ACSS3: variants seen among roughly 807,000 people sequenced by gnomAD.
The protein encoded by ACSS3 is acyl-CoA synthetase short-chain family member 3, mitochondrial.
ACSS3 carries 64 observed loss-of-function variants against 84.2 expected under a neutral mutation model. The observed-to-expected ratio is 0.76, with a 90% confidence interval of 0.62 to 0.94. ACSS3 has a LOEUF of 0.94. Ranked by LOEUF, ACSS3 falls within the 40% of genes least tolerant of loss-of-function variation. ACSS3 has a pLI of 0.00. For synonymous variants in ACSS3, 317 were observed against 310.1 expected (o/e 1.02, Z -0.23); for missense variants, 815 against 867.6 (o/e 0.94, Z 0.76).
intron 5 of ACSS3, among the ~76,000 whole-genome samples, chr12:81,150,331 GCTA>G (rs893982654): frequency 6.6e-6 from 1 of 152,118 alleles, no homozygotes; most frequent in African/African-American, 2.4e-5. Flanking sequence ...GTCTACAAAA[GCTA>G]CTTTTTCTAG....
At chr12:81,239,774 C>A (rs750520411) in intron 13 of ACSS3, among the ~76,000 whole-genome samples, 6 of 151,912 alleles carry the variant, frequency 3.9e-5, no homozygotes, top group Admixed American at 1.3e-4. Context: ...GGGTACACAG[C>A]CAAACCGTAT....
Position 81,174,923 on chromosome 12 carries a change from CAG to C in ACSS3, c.1235_1236del (p.Gln412LeufsTer17), listed in dbSNP as rs1183539865. On this transcript the variant is annotated frameshift_variant, in exon 8 of 16. Transcript: ENST00000548058. LOFTEE classifies it high-confidence loss of function. Reference protein sequence around the residue: ...QQDPGAALGKQYSLTRFKTLF... With the variant: ...QQDPGAALGKXYSLTRFKTLF... ...GGACCCTGGGGCAGCTTTGGGGAAG[CAG>C]TACTCTCTGACAAGGTGACGTTGGG... The C allele has an allele frequency of 1.2e-6, 2 of 1,613,660 alleles. No individual in the cohort carries two copies. Among genetic ancestry groups the C allele is most frequent in the Non-Finnish European group, 1.7e-6 (2 of 1,179,730 alleles).
intron 8 of ACSS3, among the ~76,000 whole-genome samples, chr12:81,190,769 A>G (rs544108154): frequency 1.3e-5 from 2 of 152,146 alleles, no homozygotes; most frequent in South Asian, 4.1e-4. Context: ...GAGAAAAGCT[A>G]TCAAATTAAC....
chr12:81,199,623 T>A (rs1466672993), intron 9 of ACSS3, 179 bp downstream of exon 9: 1 of 1,494,584 alleles, frequency 6.7e-7, no homozygotes, highest in South Asian at 1.2e-5. Flanking sequence ...AATGTCTTCA[T>A]AAGTGACATT....
intron 2 of ACSS3, among the ~76,000 whole-genome samples, chr12:81,117,217 T>G (rs1231374126): frequency 6.6e-6 from 1 of 152,212 alleles, no homozygotes; most frequent in East Asian, 1.9e-4. Context: ...GAAAACATGC[T>G]TGTGGAACAC....
At chr12:81,151,330 G>T (rs2135753279) in intron 5 of ACSS3, among the ~76,000 whole-genome samples, 1 of 152,272 alleles carries the variant, frequency 6.6e-6, no homozygotes, top group South Asian at 2.1e-4. Context: ...CAGCTTTAAA[G>T]TGTGCTTGCA....
chr12:81,159,706 G>A (rs1247569491), intron 7 of ACSS3, among the ~76,000 whole-genome samples: 1 of 152,172 alleles, frequency 6.6e-6, no homozygotes, highest in African/African-American at 2.4e-5. Context: ...AAAGAGAAGG[G>A]ATAAAACACA....
At position 81,216,613 on chromosome 12, in the gene ACSS3, C is replaced by T. The variant is rs11834253; in HGVS notation, c.1355-288C>T. Among the ~76,000 whole-genome samples, 573 of 152,238 alleles carry T rather than the reference C, an allele frequency of 3.8e-3. 5 individuals carry two copies. The highest frequency in any genetic ancestry group is 0.013 in the African/African-American group (548 of 41,536). On this transcript the variant is annotated intron_variant, in intron 9 of 15. Transcript: ENST00000548058. Reference sequence around the variant, plus strand: ...AAGTCACATAATTTTCCATTCTACACGCCTGCTGATCCACAATTGCAAACG... The same window carrying T: ...AAGTCACATAATTTTCCATTCTACATGCCTGCTGATCCACAATTGCAAACG...
At chr12:81,089,785 T>G (rs1037292556) in intron 1 of ACSS3, among the ~76,000 whole-genome samples, 1 of 152,018 alleles carries the variant, frequency 6.6e-6, no homozygotes, top group African/African-American at 2.4e-5. Flanking sequence ...AAGAATTTGA[T>G]TTGTGTTGGG....
chr12:81,191,515 T>C lies in ACSS3; in HGVS notation c.1251-7826T>C, dbSNP rs149147218. Among the ~76,000 whole-genome samples the C allele has an allele frequency of 3.6e-3, 542 of 152,294 alleles. 2 individuals carry two copies. The highest frequency in any genetic ancestry group is 0.012 in the African/African-American group (507 of 41,580). On this transcript the variant is annotated intron_variant, in intron 8 of 15. Transcript: ENST00000548058. ...GATTTTATGTACAATTAATTTTATTTAAATGTTTTGAAGTATTTAAAAATC... is the reference window on the plus strand; with the variant it reads ...GATTTTATGTACAATTAATTTTATTCAAATGTTTTGAAGTATTTAAAAATC...
intron 5 of ACSS3, among the ~76,000 whole-genome samples, chr12:81,144,892 T>C (rs1239139223): frequency 7.5e-6 from 1 of 132,834 alleles, no homozygotes; most frequent in Non-Finnish European, 1.6e-5. Context: ...AGGTTTTCTT[T>C]TTTTTCTTTT....
At chr12:81,132,122 C>A (rs1363648072) in intron 2 of ACSS3, among the ~76,000 whole-genome samples, 1 of 152,134 alleles carries the variant, frequency 6.6e-6, no homozygotes, top group Non-Finnish European at 1.5e-5. Context: ...GCTTTGGTAT[C>A]AGGATGATAC....
chr12:81,087,643 C>A (rs983587990), intron 1 of ACSS3, among the ~76,000 whole-genome samples: 1 of 152,034 alleles, frequency 6.6e-6, no homozygotes, highest in African/African-American at 2.4e-5. Flanking sequence ...TCTCACTTTG[C>A]ATTCTCTCCA....
intron 8 of ACSS3, among the ~76,000 whole-genome samples, chr12:81,195,112 A>G (rs2031762957): frequency 1.3e-5 from 2 of 152,062 alleles, no homozygotes; most frequent in South Asian, 4.1e-4. Flanking sequence ...TAAGACCTGT[A>G]GAATTATTCG....
chr12:81,233,575 A>G (rs2033534260), intron 13 of ACSS3, 104 bp downstream of exon 13: 1 of 1,423,920 alleles, frequency 7.0e-7, no homozygotes, highest in African/African-American at 1.4e-5. Context: ...CACACCCTTC[A>G]TTTGCAGCAG....
chr12:81,240,700 T>A (rs1327185074), intron 13 of ACSS3, among the ~76,000 whole-genome samples: 1 of 147,994 alleles, frequency 6.8e-6, no homozygotes, highest in East Asian at 1.9e-4. Flanking sequence ...TTTCTTAACA[T>A]ATTAAATATA....
At chr12:81,217,133 T>G in intron 10 of ACSS3, 137 bp downstream of exon 10, 1 of 588,834 alleles carries the variant, frequency 1.7e-6, no homozygotes, top group Non-Finnish European at 2.9e-6. Context: ...TAAAAATGAA[T>G]GCCTTAATTT....
intron 2 of ACSS3, among the ~76,000 whole-genome samples, chr12:81,115,926 A>G (rs1593071420): frequency 6.6e-6 from 1 of 152,240 alleles, no homozygotes; most frequent in East Asian, 1.9e-4. Context: ...CCAGTAGAAT[A>G]TTATGCAACA....
chr12:81,116,970 C>T (rs1884095908), intron 2 of ACSS3, among the ~76,000 whole-genome samples: 1 of 152,054 alleles, frequency 6.6e-6, no homozygotes, highest in East Asian at 1.9e-4. Context: ...ATTTAAAGCC[C>T]TGATTAAAAT....
Sources: gnomAD v4.1 joint callset for allele counts (sites outside exome capture counted in the v4.1 genomes callset) on GRCh38, gnomAD v4.1.1 for gene constraint, MANE v1.5 for transcripts, NCBI Gene and HGNC (gene_info 2026-07-23, HGNC 2026-07-21) for gene names.